ARHGAP35: variants seen among roughly 807,000 people sequenced by gnomAD.
ARHGAP35 encodes Rho GTPase activating protein 35.
A neutral mutation model predicts 111.1 loss-of-function variants in ARHGAP35; 15 were observed. The observed-to-expected ratio is 0.13, with a 90% CI of 0.09 to 0.21. The LOEUF is 0.21. Among genes scored for constraint, ARHGAP35 ranks in the 10% least tolerant of loss-of-function variants. The pLI, the probability that ARHGAP35 is intolerant of heterozygous loss-of-function variation, is 1.00. For synonymous variants in ARHGAP35, 643 were observed against 710.3 expected (o/e 0.91, Z 1.51); for missense variants, 1,262 against 1,873.0 (o/e 0.67, Z 6.02).
At chr19:46,909,210 G>A (rs1017410453) in intron 1 of ARHGAP35, among the ~76,000 whole-genome samples, 2 of 152,158 alleles carry the variant, frequency 1.3e-5, no homozygotes, top group Non-Finnish European at 2.9e-5. Context: ...GGTTGAGGTG[G>A]CAGAATTGCC....
rs147624754 is a variant in ARHGAP35 at position 46,900,441 on chromosome 19, G to A, written c.-188-18047G>A. 5.6e-3 allele frequency among the ~76,000 whole-genome samples: 846 copies of A among 152,222 alleles called. 7 individuals are homozygous for A. The highest frequency in any genetic ancestry group is 0.02 in the African/African-American group (814 of 41,532). The stretch of plus-strand genomic sequence containing the variant: ...TTGCCCTGTTGGCCAGGCTGGTCTC[G>A]AACTCGTGGCCTCAAGTGATCCGCC... On this transcript the variant is annotated intron_variant, in intron 1 of 6. Transcript: ENST00000672722.
At chr19:46,937,607 T>A (rs998081327) in intron 3 of ARHGAP35, among the ~76,000 whole-genome samples, 199 bp downstream of exon 3, 11 of 152,144 alleles carry the variant, frequency 7.2e-5, no homozygotes, top group African/African-American at 2.7e-4. Context: ...CGTTGGGCAT[T>A]TATTAGGCCT....
chr19:46,922,335 C>A lies in ARHGAP35; in HGVS notation c.3660C>A (p.Arg1220=). Residue 1220 remains arginine, a synonymous_variant, in exon 2 of 7, where the codon CGC becomes CGA. Transcript: ENST00000672722. The surrounding 1 kb of genome is among the most constrained non-coding windows in gnomAD (Gnocchi z 4.0). ...ACCCGCGGAGGAGGAATATTCTTCG[C>A]AGCCTAAGGAGGAACACTAAGGTAA... ...DEDPRRRNIL[R]SLRRNTKKPK... is the part of the protein sequence containing the mutation. 6.2e-7 allele frequency: 1 copy of A among 1,605,234 alleles called. No individual in the cohort carries two copies. Among genetic ancestry groups the A allele is most frequent in the Non-Finnish European group, 8.5e-7 (1 of 1,175,514 alleles).
intron 1 of ARHGAP35, among the ~76,000 whole-genome samples, chr19:46,875,897 G>A (rs1480785178): frequency 1.3e-5 from 2 of 152,090 alleles, no homozygotes; most frequent in African/African-American, 4.8e-5. Context: ...GGTCTTATCA[G>A]AAAGTGTCTC....
chr19:46,866,496 G>C (rs11669769), intron 1 of ARHGAP35, among the ~76,000 whole-genome samples: 5,946 of 152,270 alleles, frequency 0.039, 180 homozygotes, highest in East Asian at 0.16. Flanking sequence ...TGAACAAATT[G>C]CTTGACCTCT....
chr19:46,870,375 C>T (rs549816834), intron 1 of ARHGAP35, among the ~76,000 whole-genome samples: 2 of 151,724 alleles, frequency 1.3e-5, no homozygotes, highest in South Asian at 2.1e-4. Context: ...GTCAGGAGAT[C>T]GAGACCACCG....
At chr19:46,888,215 G>T (rs1445868545) in intron 1 of ARHGAP35, among the ~76,000 whole-genome samples, 6 of 135,402 alleles carry the variant, frequency 4.4e-5, no homozygotes, top group Admixed American at 7.9e-5. Flanking sequence ...GCCTCCCAAA[G>T]TGCTGGGGTT....
At chr19:46,964,610 A>G (rs1179141700) in intron 3 of ARHGAP35, among the ~76,000 whole-genome samples, 1 of 152,202 alleles carries the variant, frequency 6.6e-6, no homozygotes, top group African/African-American at 2.4e-5. Context: ...TCTCCCATTG[A>G]AAAACTGACA....
chr19:46,894,773 A>G (rs1035684551), intron 1 of ARHGAP35, among the ~76,000 whole-genome samples: 9 of 152,004 alleles, frequency 5.9e-5, no homozygotes, highest in Non-Finnish European at 1.2e-4. Context: ...AAAGCCATGT[A>G]TCTTTTTCTG....
At position 46,921,698 on chromosome 19, in the gene ARHGAP35, A is replaced by G; in HGVS notation, c.3023A>G (p.Asp1008Gly). ...EDTSLPSLSKDHSKLSMELEG... is the reference protein window; with the variant it reads ...EDTSLPSLSKGHSKLSMELEG... ...ACATCACTGCCTTCTCTGTCCAAAG[A>G]CCATTCTAAGCTCTCTATGGAACTG... The change falls in exon 2 of 7, where the codon GAC (aspartate) becomes GGC (glycine). Residue 1008 changes from aspartate (D) to glycine (G), a missense_variant. By Grantham distance (94) the Asp-to-Gly change is moderately conservative. Transcript: ENST00000672722. This position sits in a 1 kb window ranked among gnomAD's most constrained non-coding sequence, Gnocchi z 4.3. The G allele has an allele frequency of 6.2e-7, 1 of 1,613,912 alleles. No homozygotes were observed. Among genetic ancestry groups the G allele is most frequent in the Non-Finnish European group, 8.5e-7 (1 of 1,179,892 alleles).
At chr19:46,936,748 G>T (rs1045862113) in intron 2 of ARHGAP35, among the ~76,000 whole-genome samples, 4 of 151,874 alleles carry the variant, frequency 2.6e-5, no homozygotes, top group Non-Finnish European at 5.9e-5. Flanking sequence ...CTCAAGGTGT[G>T]ACTTTCTGGC....
chr19:46,918,076 A>G lies in ARHGAP35; in HGVS notation c.-188-412A>G, dbSNP rs2056174143. On this transcript the variant is annotated intron_variant, in intron 1 of 6. Transcript: ENST00000672722. This position sits in a 1 kb window ranked among gnomAD's most constrained non-coding sequence, Gnocchi z 5.4. ...CCATACTTAATTATTGTGGCGCTCA[A>G]ATTGTCCCAGAGTTGGCCAGTGGGA... Among the ~76,000 whole-genome samples the G allele has an allele frequency of 6.6e-6, 1 of 152,146 alleles. No individual in the cohort carries two copies. Among genetic ancestry groups the G allele is most frequent in the African/African-American group, 2.4e-5 (1 of 41,426 alleles).
intron 1 of ARHGAP35, among the ~76,000 whole-genome samples, chr19:46,867,786 T>G (rs1237797741): frequency 6.6e-6 from 1 of 152,032 alleles, no homozygotes; most frequent in Non-Finnish European, 1.5e-5. Context: ...GTTTTTTTTT[T>G]GGAGATGTTT....
rs2056374215 is a variant in ARHGAP35 at position 46,945,507 on chromosome 19, C to A, written c.3826+8099C>A. Among the ~76,000 whole-genome samples, 1 of 152,124 alleles carries A rather than the reference C, an allele frequency of 6.6e-6. No individual in the cohort carries two copies. On this transcript the variant is annotated intron_variant, in intron 3 of 6. Transcript: ENST00000672722. The surrounding 1 kb of genome is among the most constrained non-coding windows in gnomAD (Gnocchi z 4.1). The stretch of plus-strand genomic sequence containing the variant: ...TACACTCTTGATAGCTCATGGTGGT[C>A]ACAAGACTGAGGTTTTAAATCCTGG...
rs59080309 is a variant in ARHGAP35 at position 46,868,893 on chromosome 19, A to ATTTTTTTTTT, written c.-189+7704_-189+7713dup. Among the ~76,000 whole-genome samples the ATTTTTTTTTT allele has an allele frequency of 8.5e-5, 5 of 58,668 alleles. 1 individual carries two copies. Among genetic ancestry groups the ATTTTTTTTTT allele is most frequent in the Non-Finnish European group, 1.2e-4 (4 of 33,054 alleles). The allele number at this position is 58,668 out of a possible 152,430, so 38.5% of individuals were successfully genotyped here. On this transcript the variant is annotated intron_variant, in intron 1 of 6. Transcript: ENST00000672722. Reference sequence around the variant, plus strand: ...AGTTATTTAGGTGGAGCTCACCGTGATTTTTTTTTTTTTTTTTTTTTTTTT... The same window carrying ATTTTTTTTTT: ...AGTTATTTAGGTGGAGCTCACCGTGATTTTTTTTTTTTTTTTTTTTTTTTTTTTTTTTTTT...
intron 3 of ARHGAP35, among the ~76,000 whole-genome samples, chr19:46,979,136 G>C: frequency 6.6e-6 from 1 of 151,842 alleles, no homozygotes; most frequent in East Asian, 1.9e-4. Flanking sequence ...TAGTACACCT[G>C]TATTGTGCTC....
At chr19:46,928,658 G>A (rs1213743221) in intron 2 of ARHGAP35, among the ~76,000 whole-genome samples, 2 of 151,984 alleles carry the variant, frequency 1.3e-5, no homozygotes, top group South Asian at 4.2e-4. Context: ...TGCGCTGGGC[G>A]CGGTGGGTCA....
intron 1 of ARHGAP35, among the ~76,000 whole-genome samples, chr19:46,863,278 C>T (rs959064736): frequency 4.6e-5 from 7 of 152,176 alleles, no homozygotes; most frequent in African/African-American, 1.4e-4. Flanking sequence ...TCTCTCTCTG[C>T]GCCCTAACCC....
At chr19:46,984,061 A>T (rs1254936985) in intron 3 of ARHGAP35, among the ~76,000 whole-genome samples, 1 of 152,228 alleles carries the variant, frequency 6.6e-6, no homozygotes, top group Non-Finnish European at 1.5e-5. Context: ...TAACTTAAAC[A>T]TAGAAGATAA....
Sources: gnomAD v4.1 joint callset for allele counts (sites outside exome capture counted in the v4.1 genomes callset) on GRCh38, gnomAD v4.1.1 for gene constraint, Gnocchi (gnomAD v3.1) non-coding constraint, MANE v1.5 for transcripts, NCBI Gene and HGNC (gene_info 2026-07-23, HGNC 2026-07-21) for gene names.